Variants in BCAS3 observed in about 807,000 individuals in gnomAD.
BCAS3 encodes BCAS3 microtubule associated cell migration factor.
BCAS3 carries 53 observed loss-of-function variants against 116.1 expected under a neutral mutation model. That is an observed-to-expected ratio of 0.46 (90% CI 0.37 to 0.57). BCAS3 has a LOEUF of 0.57. Among genes scored for constraint, BCAS3 ranks in the 20% least tolerant of loss-of-function variants. The pLI, the probability that BCAS3 is intolerant of heterozygous loss-of-function variation, is 0.00. For synonymous variants in BCAS3, 391 were observed against 408.2 expected, an observed-to-expected ratio of 0.96 and a Z score of 0.51; for missense variants, 917 against 1,165.4, an observed-to-expected ratio of 0.79 and a Z score of 3.10.
chr17:60,883,304 CTT>C (rs1230501767), intron 9 of BCAS3, among the ~76,000 whole-genome samples: 2 of 143,742 alleles, frequency 1.4e-5, no homozygotes, highest in African/African-American at 5.3e-5. Flanking sequence ...TATCCTGAGA[CTT>C]TGCTGAAGTT....
intron 22 of BCAS3, among the ~76,000 whole-genome samples, chr17:61,334,937 T>C (rs1017035182): frequency 4.1e-5 from 6 of 147,956 alleles, no homozygotes; most frequent in African/African-American, 1.1e-4. Flanking sequence ...GAAGTTGGTC[T>C]GTGGATGGGG....
intron 22 of BCAS3, among the ~76,000 whole-genome samples, chr17:61,166,340 T>G (rs1035164752): frequency 6.6e-6 from 1 of 151,952 alleles, no homozygotes; most frequent in African/African-American, 2.4e-5. Context: ...CATTTCCTTT[T>G]TTTTCTTTTT....
chr17:61,321,291 A>G (rs2055192713), intron 22 of BCAS3, among the ~76,000 whole-genome samples: 1 of 152,242 alleles, frequency 6.6e-6, no homozygotes, highest in Non-Finnish European at 1.5e-5. Flanking sequence ...AAGTAAGGAC[A>G]GAGCGTTAGC....
intron 23 of BCAS3, among the ~76,000 whole-genome samples, chr17:61,369,485 C>CA (rs1395562924): frequency 6.6e-6 from 1 of 152,214 alleles, no homozygotes; most frequent in Non-Finnish European, 1.5e-5. Flanking sequence ...AGAGTCAGAG[C>CA]ACTGAGGCAG....
At chr17:60,881,271 G>T (rs2056119401) in intron 9 of BCAS3, among the ~76,000 whole-genome samples, 1 of 152,100 alleles carries the variant, frequency 6.6e-6, no homozygotes, top group African/African-American at 2.4e-5. Flanking sequence ...ACCGCACCTG[G>T]CCTGGTCTTT....
rs546977630 is a variant in BCAS3, at chr17:60,967,663, C to T, written c.1221+20311C>T. ...ATCTCCCTCTTGAATACCAATAATT[C>T]TTAGATTTGGTCTTTTGAGGTAATT... On this transcript the variant is annotated intron_variant, in intron 14 of 23. Coordinates refer to ENST00000407086, the MANE Select transcript of BCAS3 (RefSeq NM_017679.5). The surrounding 1 kb of genome is among the most constrained non-coding windows in gnomAD (Gnocchi z 4.7). Among the ~76,000 whole-genome samples, 4 of 152,124 alleles carry T rather than the reference C, an allele frequency of 2.6e-5. No individual in the cohort carries two copies. Among genetic ancestry groups the T allele is most frequent in the African/African-American group, 9.6e-5 (4 of 41,490 alleles).
At chr17:60,947,406 T>C in intron 14 of BCAS3, 54 bp downstream of exon 14, 2 of 1,518,566 alleles carry the variant, frequency 1.3e-6, no homozygotes, top group Non-Finnish European at 1.8e-6. Context: ...TGACATCTAC[T>C]CTAGCTGGTC....
rs544257733 is a variant in BCAS3 at position 60,735,002 on chromosome 17, A to C, written c.322-12196A>C. On this transcript the variant is annotated intron_variant, in intron 5 of 23. Coordinates refer to ENST00000407086, the MANE Select transcript of BCAS3 (RefSeq NM_017679.5). ...ATTTAGTTCTTTTTTGATATGTTTC[A>C]TCAGTTTTATAGTTTTCCTCATATA... Among the ~76,000 whole-genome samples the C allele has an allele frequency of 3.3e-5, 5 of 152,284 alleles. No homozygotes were observed. In the South Asian group the frequency reaches 1.0e-3, roughly 32 times the overall value.
intron 5 of BCAS3, among the ~76,000 whole-genome samples, chr17:60,729,869 C>T (rs1465497208): frequency 6.6e-6 from 1 of 152,192 alleles, no homozygotes; most frequent in Non-Finnish European, 1.5e-5. Flanking sequence ...GTGTTTATGA[C>T]AGCCGCTAGG....
At chr17:60,712,195 G>A (rs891283143) in intron 5 of BCAS3, among the ~76,000 whole-genome samples, 4 of 138,674 alleles carry the variant, frequency 2.9e-5, no homozygotes, top group Non-Finnish European at 4.4e-5. Context: ...AACACATAGT[G>A]AGACCTTGTC....
At chr17:60,805,996 A>G (rs2048242714) in intron 6 of BCAS3, among the ~76,000 whole-genome samples, 1 of 150,822 alleles carries the variant, frequency 6.6e-6, no homozygotes, top group Non-Finnish European at 1.5e-5. Flanking sequence ...AGTAGCTGGG[A>G]TTACAGCGCC....
Position 61,259,087 on chromosome 17 carries a change from C to G in BCAS3, c.2426-109240C>G, listed in dbSNP as rs756348872. On this transcript the variant is annotated intron_variant, in intron 22 of 23. Transcript: ENST00000407086. This position sits in a 1 kb window ranked among gnomAD's most constrained non-coding sequence, Gnocchi z 4.7. ...TATTCTCTATTGGATGCTAAAGAAGCTTTTCACTGTCTAAGCCCCTTCTAA... is the reference window on the plus strand; with the variant it reads ...TATTCTCTATTGGATGCTAAAGAAGGTTTTCACTGTCTAAGCCCCTTCTAA... 4.6e-5 allele frequency among the ~76,000 whole-genome samples: 7 copies of G among 152,204 alleles called. No homozygotes were observed. Among genetic ancestry groups the G allele is most frequent in the Non-Finnish European group, 7.3e-5 (5 of 68,028 alleles).
chr17:61,385,945 G>A (rs981121433), intron 23 of BCAS3, among the ~76,000 whole-genome samples: 3 of 152,168 alleles, frequency 2.0e-5, no homozygotes, highest in Admixed American at 2.0e-4. Flanking sequence ...TGGAAGCCAA[G>A]CTGGTGAGGG....
In BCAS3 at chr17:61,200,557, CG is replaced by C. The variant is rs1169243516; in HGVS notation, c.2425+115994del. On this transcript the variant is annotated intron_variant, in intron 22 of 23. Coordinates refer to ENST00000407086, the MANE Select transcript of BCAS3 (RefSeq NM_017679.5). The surrounding 1 kb of genome is among the most constrained non-coding windows in gnomAD (Gnocchi z 5.1). ...GAATGTTAGCCTCCTGGATCCTGAT[CG>C]TTCAGCCTCCGAAACATTCCTACTG... Among the ~76,000 whole-genome samples, 1 of 152,194 alleles carries C rather than the reference CG, an allele frequency of 6.6e-6. No homozygotes were observed. Among genetic ancestry groups the C allele is most frequent in the Non-Finnish European group, 1.5e-5 (1 of 68,040 alleles).
At chr17:61,296,343 T>C (rs370371558) in intron 22 of BCAS3, among the ~76,000 whole-genome samples, 10 of 152,270 alleles carry the variant, frequency 6.6e-5, no homozygotes, top group African/African-American at 2.4e-4. Flanking sequence ...TCACTATGAG[T>C]TGATGGTCCC....
chr17:61,015,625 C>A (rs749469866), intron 15 of BCAS3, 126 bp from the exon 16 acceptor site: 20 of 920,584 alleles, frequency 2.2e-5, no homozygotes, highest in South Asian at 6.3e-5. Flanking sequence ...ATTCTCTTGG[C>A]ATCAATTCTA....
intron 22 of BCAS3, among the ~76,000 whole-genome samples, chr17:61,266,883 C>T (rs2049767433): frequency 6.6e-6 from 1 of 152,170 alleles, no homozygotes; most frequent in African/African-American, 2.4e-5. Flanking sequence ...CTAGAATAAA[C>T]AGTGTCCTCA....
rs139307047 is a variant in BCAS3, at chr17:61,323,459, C to T, written c.2426-44868C>T. Among the ~76,000 whole-genome samples the T allele has an allele frequency of 3.5e-3, 534 of 152,298 alleles. 3 individuals are homozygous for T. Among genetic ancestry groups the T allele is most frequent in the Middle Eastern group, 0.014 (4 of 294 alleles). The stretch of plus-strand genomic sequence containing the variant: ...GTATAATCACAGGAGTGGCCCTGAA[C>T]GGACTTAGGATTTGGTTTTCTACTC... On this transcript the variant is annotated intron_variant, in intron 22 of 23. Coordinates refer to ENST00000407086, the MANE Select transcript of BCAS3 (RefSeq NM_017679.5). This position sits in a 1 kb window ranked among gnomAD's most constrained non-coding sequence, Gnocchi z 4.6.
chr17:61,353,189 T>C (rs1339020940), intron 22 of BCAS3, among the ~76,000 whole-genome samples: 1 of 152,184 alleles, frequency 6.6e-6, no homozygotes, highest in African/African-American at 2.4e-5. Context: ...CTCCCCTCCC[T>C]GGGCCTCCAT....
Sources: allele counts gnomAD v4.1 joint callset (sites outside exome capture counted in the v4.1 genomes callset), GRCh38; gene constraint gnomAD v4.1.1; non-coding constraint Gnocchi (gnomAD v3.1); transcripts MANE v1.5; gene names NCBI Gene and HGNC (gene_info 2026-07-23, HGNC 2026-07-21).